Variants in MYT1L observed in about 807,000 individuals in gnomAD.
MYT1L encodes myelin transcription factor 1-like protein.
MYT1L carries 12 observed loss-of-function variants against 126.7 expected under a neutral mutation model. That is an observed-to-expected ratio of 0.09 (90% CI 0.06 to 0.15). The LOEUF is 0.15. Ranked by LOEUF, MYT1L falls within the 10% of genes least tolerant of loss-of-function variation. MYT1L has a pLI of 1.00. For synonymous variants in MYT1L, 541 were observed against 604.2 expected (o/e 0.90, Z 1.53); for missense variants, 979 against 1,585.2 (o/e 0.62, Z 6.49).
In MYT1L at chr2:1,811,440, A is replaced by G. The variant is rs970045207; in HGVS notation, c.3081-2273T>C. Reference sequence around the variant, plus strand: ...ATCATCAGCTCCCGCGTCCTATCCCATCCCAGGGCAAGCCGCACGGGAAGC... The same window carrying G: ...ATCATCAGCTCCCGCGTCCTATCCCGTCCCAGGGCAAGCCGCACGGGAAGC... On this transcript the variant is annotated intron_variant, in intron 21 of 24. Transcript: ENST00000647738. This position sits in a 1 kb window ranked among gnomAD's most constrained non-coding sequence, Gnocchi z 4.4. The G allele has an allele frequency of 2.1e-5, 3 of 140,984 alleles. No individual in the cohort carries two copies. The highest frequency in any genetic ancestry group is 4.6e-5 in the Non-Finnish European group (3 of 65,008). The allele number at this position is 140,984 out of a possible 1,614,324, so 8.7% of individuals were successfully genotyped here. A position where few individuals can be genotyped will look rare whatever the true frequency, so the allele number is the denominator to read the frequency against.
At chr2:1,935,623 A>G (rs1388351788) in intron 9 of MYT1L, among the ~76,000 whole-genome samples, 1 of 152,194 alleles carries the variant, frequency 6.6e-6, no homozygotes, top group African/African-American at 2.4e-5. Flanking sequence ...GGCACGTACT[A>G]TTATCCTAAT....
intron 8 of MYT1L, among the ~76,000 whole-genome samples, chr2:1,949,094 G>A (rs1003120360): frequency 1.3e-5 from 2 of 151,970 alleles, no homozygotes; most frequent in South Asian, 2.1e-4. Flanking sequence ...TACCCCTCCC[G>A]TCATTTTTCC....
At chr2:2,329,468 T>TTATAGTCCTGATTCTTAAAG (rs2096271873) in intron 1 of MYT1L, among the ~76,000 whole-genome samples, 2 of 151,844 alleles carry the variant, frequency 1.3e-5, no homozygotes, top group Admixed American at 1.3e-4. Flanking sequence ...TTACTGATTC[T>TTATAGTCCTGATTCTTAAAG]TATAGTCCTC....
chr2:2,043,526 G>A (rs867638981), intron 4 of MYT1L, among the ~76,000 whole-genome samples: 13 of 152,196 alleles, frequency 8.5e-5, no homozygotes, highest in South Asian at 2.1e-4. Flanking sequence ...GGACAGTCCC[G>A]GCCACAACTG....
intron 20 of MYT1L, among the ~76,000 whole-genome samples, chr2:1,840,126 C>T (rs2041467926): frequency 6.6e-6 from 1 of 152,216 alleles, no homozygotes; most frequent in Non-Finnish European, 1.5e-5. Context: ...TTTATTTTGA[C>T]AAATCTTAAT....
intron 8 of MYT1L, among the ~76,000 whole-genome samples, chr2:1,957,561 C>T (rs1573981270): frequency 6.6e-6 from 1 of 151,992 alleles, no homozygotes; most frequent in South Asian, 2.1e-4. Context: ...TCTCCCTCTC[C>T]CCATCTATCA....
At chr2:2,030,853 G>A (rs72629193) in intron 4 of MYT1L, among the ~76,000 whole-genome samples, 18,204 of 152,176 alleles carry the variant, frequency 0.12, 1,164 homozygotes, top group East Asian at 0.31. Flanking sequence ...TAGAATGACT[G>A]TAAAATTTGG....
At chr2:2,003,882 T>C (rs2062676384) in intron 4 of MYT1L, among the ~76,000 whole-genome samples, 1 of 152,126 alleles carries the variant, frequency 6.6e-6, no homozygotes, top group African/African-American at 2.4e-5. Flanking sequence ...TGCTTCCTTT[T>C]CCATCATGAA....
chr2:1,797,520 A>T (rs920320813), intron 23 of MYT1L, among the ~76,000 whole-genome samples: 1 of 152,012 alleles, frequency 6.6e-6, no homozygotes, highest in South Asian at 2.1e-4. Flanking sequence ...GTGCCCGGCC[A>T]GGGGCCCGGA....
intron 14 of MYT1L, among the ~76,000 whole-genome samples, chr2:1,899,769 C>T (rs985290746): frequency 3.9e-5 from 6 of 152,240 alleles, no homozygotes; most frequent in Non-Finnish European, 8.8e-5. Flanking sequence ...CCTCACTTCA[C>T]TGGGCAGCAG....
intron 9 of MYT1L, among the ~76,000 whole-genome samples, chr2:1,942,579 G>A (rs773670909): frequency 2.0e-5 from 3 of 152,172 alleles, no homozygotes; most frequent in Non-Finnish European, 4.4e-5. Context: ...GGAGGTACCT[G>A]GGCTAAGCCA....
intron 19 of MYT1L, among the ~76,000 whole-genome samples, chr2:1,850,088 A>G (rs958361300): frequency 6.8e-6 from 1 of 146,700 alleles, no homozygotes; most frequent in African/African-American, 2.5e-5. Flanking sequence ...AGCTTCCTTT[A>G]TCTCCCTCTC....
At chr2:2,112,769 A>G (rs935694069) in intron 3 of MYT1L, among the ~76,000 whole-genome samples, 1 of 152,226 alleles carries the variant, frequency 6.6e-6, no homozygotes, top group African/African-American at 2.4e-5. Context: ...TGACCACTGC[A>G]TGGCCTCTCC....
At chr2:2,000,603 C>A (rs1223585675) in intron 4 of MYT1L, among the ~76,000 whole-genome samples, 1 of 152,092 alleles carries the variant, frequency 6.6e-6, no homozygotes, top group African/African-American at 2.4e-5. Context: ...CCTCCCAATA[C>A]AGCCGACTCC....
At chr2:1,944,393 G>A (rs1004290663) in intron 8 of MYT1L, among the ~76,000 whole-genome samples, 1 of 152,160 alleles carries the variant, frequency 6.6e-6, no homozygotes, top group Non-Finnish European at 1.5e-5. Context: ...GGGAGACATA[G>A]AGGCAAACTA....
intron 18 of MYT1L, among the ~76,000 whole-genome samples, chr2:1,859,846 C>T (rs764987807): frequency 5.3e-5 from 8 of 152,190 alleles, no homozygotes; most frequent in Non-Finnish European, 8.8e-5. Flanking sequence ...GACAGCGCGC[C>T]GGATGAGAGG....
intron 2 of MYT1L, among the ~76,000 whole-genome samples, chr2:2,211,756 A>AATC (rs2093517423): frequency 6.6e-6 from 1 of 150,688 alleles, no homozygotes; most frequent in Non-Finnish European, 1.5e-5. Flanking sequence ...AGTGAGCCAA[A>AATC]ATCGCACCAT....
At chr2:2,041,790 C>G (rs750516652) in intron 4 of MYT1L, among the ~76,000 whole-genome samples, 6 of 152,186 alleles carry the variant, frequency 3.9e-5, no homozygotes, top group Non-Finnish European at 7.3e-5. Context: ...GCAGCTGTAT[C>G]TAGCCAAAAT....
At chr2:2,121,613 A>C (rs1436920996) in intron 3 of MYT1L, among the ~76,000 whole-genome samples, 1 of 151,710 alleles carries the variant, frequency 6.6e-6, no homozygotes, top group African/African-American at 2.4e-5. Context: ...CAGCCTCCTG[A>C]GTAGCTGGGA....
Sources: gnomAD v4.1 joint callset for allele counts (sites outside exome capture counted in the v4.1 genomes callset) on GRCh38, gnomAD v4.1.1 for gene constraint, Gnocchi (gnomAD v3.1) non-coding constraint, MANE v1.5 for transcripts, NCBI Gene and HGNC (gene_info 2026-07-23, HGNC 2026-07-21) for gene names.